NEGR1: variants seen among roughly 807,000 people sequenced by gnomAD.
The protein encoded by NEGR1 is neuronal growth regulator 1, also known as IgLON family member 4.
In NEGR1, 10 loss-of-function variants were observed where a neutral mutation model predicts 40.9. The ratio of observed to expected loss-of-function variants is 0.24; its 90% confidence interval spans 0.15 to 0.42. The LOEUF is 0.42. Among genes scored for constraint, NEGR1 ranks in the 10% least tolerant of loss-of-function variants. NEGR1 has a pLI of 1.00. For synonymous variants in NEGR1, 185 were observed against 166.8 expected, an observed-to-expected ratio of 1.11 and a Z score of -0.84; for missense variants, 352 against 438.9, an observed-to-expected ratio of 0.80 and a Z score of 1.77.
At chr1:72,028,360 A>G (rs1263084307) in intron 1 of NEGR1, among the ~76,000 whole-genome samples, 1 of 152,228 alleles carries the variant, frequency 6.6e-6, no homozygotes, top group Non-Finnish European at 1.5e-5. Flanking sequence ...TCTACTGATG[A>G]AAGGCTTTCA....
chr1:71,947,563 A>T (rs1417020434), intron 1 of NEGR1, among the ~76,000 whole-genome samples: 1 of 152,208 alleles, frequency 6.6e-6, no homozygotes, highest in African/African-American at 2.4e-5. Context: ...AACCACCTCT[A>T]TTGCAAAAGA....
intron 3 of NEGR1, among the ~76,000 whole-genome samples, chr1:71,714,358 G>A (rs1478619055): frequency 6.6e-6 from 1 of 152,106 alleles, no homozygotes; most frequent in Non-Finnish European, 1.5e-5. Flanking sequence ...TTATCATTCT[G>A]CCTTTGGCCC....
At chr1:72,093,705 A>C (rs960354820) in intron 1 of NEGR1, among the ~76,000 whole-genome samples, 1 of 152,160 alleles carries the variant, frequency 6.6e-6, no homozygotes, top group Non-Finnish European at 1.5e-5. Flanking sequence ...TTTAGGCCTT[A>C]CTTATAAGCC....
intron 2 of NEGR1, among the ~76,000 whole-genome samples, chr1:71,898,891 T>C (rs1557692691): frequency 1.5e-5 from 2 of 135,198 alleles, no homozygotes; most frequent in Admixed American, 7.3e-5. Flanking sequence ...AATATATATA[T>C]ATTGCAAATA....
At chr1:71,529,512 G>C (rs1241529525) in intron 6 of NEGR1, among the ~76,000 whole-genome samples, 1 of 151,110 alleles carries the variant, frequency 6.6e-6, no homozygotes, top group Non-Finnish European at 1.5e-5. Context: ...GTTTGTTTTA[G>C]GCAGAGTAGA....
chr1:71,797,319 C>T (rs1328532575), intron 2 of NEGR1, among the ~76,000 whole-genome samples: 1 of 152,046 alleles, frequency 6.6e-6, no homozygotes, highest in Non-Finnish European at 1.5e-5. Flanking sequence ...TTCACTAAAC[C>T]TTGTATTTAG....
intron 1 of NEGR1, among the ~76,000 whole-genome samples, chr1:72,247,332 T>C (rs1654934925): frequency 6.6e-6 from 1 of 152,224 alleles, no homozygotes; most frequent in Non-Finnish European, 1.5e-5. Flanking sequence ...CAAACGTTTA[T>C]GCTTTGCTTT....
intron 1 of NEGR1, among the ~76,000 whole-genome samples, chr1:72,009,686 C>T (rs1377680422): frequency 1.3e-5 from 2 of 152,210 alleles, no homozygotes; most frequent in East Asian, 3.9e-4. Context: ...TGTCTCTTGG[C>T]ATCTCTCCAT....
At chr1:72,246,050 T>C (rs576716385) in intron 1 of NEGR1, among the ~76,000 whole-genome samples, 12 of 152,300 alleles carry the variant, frequency 7.9e-5, no homozygotes, top group African/African-American at 2.4e-4. Flanking sequence ...TTGAGTTCCA[T>C]TGTTAGAATG....
Position 71,469,189 on chromosome 1 carries a change from T to G in NEGR1, c.941-61619A>C, listed in dbSNP as rs371308797. On this transcript the variant is annotated intron_variant, in intron 6 of 6. Transcript: ENST00000357731. ...AATTTTAATTAAATGATTTGTCACTTTGAACACATAGTTTGTCATCTTGCA... is the reference window on the plus strand; with the variant it reads ...AATTTTAATTAAATGATTTGTCACTGTGAACACATAGTTTGTCATCTTGCA... 5.9e-5 allele frequency among the ~76,000 whole-genome samples: 9 copies of G among 152,190 alleles called. 1 individual carries two copies. In the East Asian group the frequency reaches 1.4e-3, roughly 23 times the overall value.
chr1:71,713,915 C>T (rs2101646213), intron 3 of NEGR1, among the ~76,000 whole-genome samples: 1 of 152,232 alleles, frequency 6.6e-6, no homozygotes, highest in East Asian at 1.9e-4. Context: ...AGGGTCAATG[C>T]AGTGGGTTTA....
intron 1 of NEGR1, among the ~76,000 whole-genome samples, chr1:72,234,090 A>C (rs772951808): frequency 2.0e-4 from 31 of 152,076 alleles, no homozygotes; most frequent in Non-Finnish European, 3.7e-4. Context: ...CCAGGTATTA[A>C]GCCTAGTACC....
intron 3 of NEGR1, among the ~76,000 whole-genome samples, chr1:71,701,701 C>G (rs1276550475): frequency 2.0e-5 from 3 of 151,904 alleles, no homozygotes; most frequent in African/African-American, 7.2e-5. Flanking sequence ...GGTTTTCTAC[C>G]AATTTTCCTT....
intron 6 of NEGR1, among the ~76,000 whole-genome samples, chr1:71,478,411 C>G (rs1269679215): frequency 2.6e-5 from 4 of 152,080 alleles, no homozygotes; most frequent in Non-Finnish European, 4.4e-5. Context: ...TACACTGACA[C>G]TCTCCACTAT....
rs143325968 is a variant in NEGR1 at position 72,159,485 on chromosome 1, C to A, written c.176+122834G>T. 4.3e-4 allele frequency among the ~76,000 whole-genome samples: 65 copies of A among 152,218 alleles called. No individual in the cohort carries two copies. In the East Asian group the frequency reaches 0.012, roughly 27 times the overall value. The stretch of plus-strand genomic sequence containing the variant: ...ACCTCCCTGTGGTCTTCAAGGACAA[C>A]TCCAAGTATAAAGTATTATACTTCA... On this transcript the variant is annotated intron_variant, in intron 1 of 6. Coordinates refer to ENST00000357731, the MANE Select transcript of NEGR1 (RefSeq NM_173808.3).
chr1:71,806,503 T>TAA (rs200707171), intron 2 of NEGR1, among the ~76,000 whole-genome samples: 58 of 148,326 alleles, frequency 3.9e-4, no homozygotes, highest in African/African-American at 1.4e-3. Context: ...CCCACTATTG[T>TAA]AAAAAAAAAA....
At chr1:72,220,170 G>GA (rs1225155208) in intron 1 of NEGR1, among the ~76,000 whole-genome samples, 17 of 151,010 alleles carry the variant, frequency 1.1e-4, no homozygotes, top group Non-Finnish European at 2.5e-4. Context: ...TTAAATCTCA[G>GA]AAAAAAATGA....
At chr1:72,241,987 CCTGT>C (rs1298187760) in intron 1 of NEGR1, among the ~76,000 whole-genome samples, 1 of 151,456 alleles carries the variant, frequency 6.6e-6, no homozygotes. Context: ...CAGTTTGAAA[CCTGT>C]ATCTGCTTTC....
At chr1:71,769,904 C>A (rs1656255857) in intron 3 of NEGR1, among the ~76,000 whole-genome samples, 1 of 152,132 alleles carries the variant, frequency 6.6e-6, no homozygotes, top group Admixed American at 6.5e-5. Flanking sequence ...TATAACAATT[C>A]TGTGAATTGG....
Sources: allele counts gnomAD v4.1 joint callset (sites outside exome capture counted in the v4.1 genomes callset), GRCh38; gene constraint gnomAD v4.1.1; transcripts MANE v1.5; gene names NCBI Gene and HGNC (gene_info 2026-07-23, HGNC 2026-07-21).